Variants in ZNF512 observed in about 807,000 individuals in gnomAD.
ZNF512 encodes zinc finger protein 512.
ZNF512 carries 25 observed loss-of-function variants against 77.5 expected under a neutral mutation model. The observed-to-expected ratio is 0.32, with a 90% CI of 0.23 to 0.45. The LOEUF (loss-of-function observed/expected upper bound fraction) is 0.45, where lower values mean the gene tolerates loss of function less well. ZNF512 is among the 20% of genes least tolerant of loss of function. ZNF512 has a pLI of 1.00. For missense variants in ZNF512, 483 were observed against 692.6 expected (o/e 0.70, Z 3.40); for synonymous variants, 246 against 239.9 (o/e 1.03, Z -0.24).
chr2:27,607,865 A>G lies in ZNF512; in HGVS notation c.957A>G (p.Ser319=). 3 of 1,614,092 alleles carry G rather than the reference A, an allele frequency of 1.9e-6. No homozygotes were observed. Among genetic ancestry groups the G allele is most frequent in the Non-Finnish European group, 2.5e-6 (3 of 1,180,004 alleles). The change falls in exon 10 of 14, where the codon TCA becomes TCG. Residue 319 remains serine (S), a synonymous_variant. Coordinates refer to ENST00000355467, the MANE Select transcript of ZNF512 (RefSeq NM_032434.4). The part of the protein sequence containing the change: ...EHGPISFFPE[S]GQPECLKEMN... ...TGCAGATATCCTTCTTTCCAGAGTC[A>G]GGACAGCCAGAGTGCTTAAAGGAGA... is the stretch of plus-strand genomic sequence containing the variant.
At chr2:27,583,320 C>A in intron 1 of ZNF512, 178 bp downstream of exon 1, 1 of 1,263,284 alleles carries the variant, frequency 7.9e-7, no homozygotes, top group Non-Finnish European at 1.1e-6. Context: ...GCCTGTTCCC[C>A]ACCTCCTTGG....
At chr2:27,596,362 T>C (rs1021134903) in intron 2 of ZNF512, among the ~76,000 whole-genome samples, 7 of 152,238 alleles carry the variant, frequency 4.6e-5, no homozygotes, top group African/African-American at 1.4e-4. Context: ...TTGTGACTTA[T>C]TTGGATTCAT....
rs1672443937 is a variant in ZNF512 at position 27,607,955 on chromosome 2, C to T, written c.1047C>T (p.His349=). ...QRRSAKIAVY[H]LQELASAELA... ...GTTCTGCCAAGATAGCTGTATACCA[C>T]CTACAGGAGCTGGCCTCTGCTGAAC... The change falls in exon 10 of 14, where the codon CAC becomes CAT. Residue 349 remains histidine, a synonymous_variant. Coordinates refer to ENST00000355467, the MANE Select transcript of ZNF512 (RefSeq NM_032434.4). 1.2e-6 allele frequency: 2 copies of T among 1,613,878 alleles called. No individual in the cohort carries two copies. The highest frequency in any genetic ancestry group is 4.5e-5 in the East Asian group (2 of 44,878).
At chr2:27,606,422 G>C (rs181540419) in intron 9 of ZNF512, among the ~76,000 whole-genome samples, 36 of 151,866 alleles carry the variant, frequency 2.4e-4, no homozygotes, top group African/African-American at 8.7e-4. Context: ...GAGTGCAGTG[G>C]TGCGATCTTG....
At chr2:27,585,627 G>A (rs1427077873) in intron 2 of ZNF512, among the ~76,000 whole-genome samples, 1 of 152,166 alleles carries the variant, frequency 6.6e-6, no homozygotes, top group Non-Finnish European at 1.5e-5. Flanking sequence ...AGTTTACAAA[G>A]GATACCGAGA....
intron 8 of ZNF512, 32 bp from the exon 9 acceptor site, chr2:27,603,108 G>A (rs751819929): frequency 1.2e-5 from 20 of 1,609,910 alleles, no homozygotes; most frequent in Non-Finnish European, 1.6e-5. Flanking sequence ...AAAGATGTAA[G>A]ATTATAGTTT....
intron 2 of ZNF512, among the ~76,000 whole-genome samples, chr2:27,584,368 A>G (rs1179329380): frequency 6.6e-6 from 1 of 152,256 alleles, no homozygotes; most frequent in African/African-American, 2.4e-5. Flanking sequence ...ATTATTTAGT[A>G]CACTGAAGGT....
At chr2:27,601,579 T>C (rs1410553818) in intron 7 of ZNF512, 137 bp downstream of exon 7, 3 of 684,852 alleles carry the variant, frequency 4.4e-6, no homozygotes, top group African/African-American at 3.6e-5. Flanking sequence ...GTTCAAGCGA[T>C]TCTCGTGTCT....
intron 4 of ZNF512, 72 bp from the exon 5 acceptor site, chr2:27,599,893 TGAAGA>T: frequency 6.6e-7 from 1 of 1,507,772 alleles, no homozygotes. Flanking sequence ...AATAGGGTGT[TGAAGA>T]GGAGGAGAGG....
chr2:27,610,556 ATATATATATATATTTTTTTTTTTTT>A (rs1328807341), intron 10 of ZNF512, among the ~76,000 whole-genome samples: 1 of 27,176 alleles, frequency 3.7e-5, no homozygotes, highest in Non-Finnish European at 8.0e-5. Flanking sequence ...ATATATATAT[ATATATATATATATTTTTTTTTTTTT>A]TTTTTTTTTT....
chr2:27,596,579 A>G (rs945043895), intron 2 of ZNF512, among the ~76,000 whole-genome samples: 3 of 152,214 alleles, frequency 2.0e-5, no homozygotes, highest in Non-Finnish European at 2.9e-5. Context: ...AAAAGACAGA[A>G]TTGGAAAACT....
intron 13 of ZNF512, among the ~76,000 whole-genome samples, chr2:27,619,120 T>C (rs1304745347): frequency 6.6e-6 from 1 of 152,142 alleles, no homozygotes; most frequent in Admixed American, 6.5e-5. Flanking sequence ...ATTTAAAAGG[T>C]AATTATCGGC....
intron 10 of ZNF512, among the ~76,000 whole-genome samples, chr2:27,608,703 A>AG (rs1248430378): frequency 1.3e-5 from 2 of 152,268 alleles, no homozygotes; most frequent in East Asian, 3.9e-4. Context: ...AACAGGTTGA[A>AG]GGGATACATA....
intron 2 of ZNF512, among the ~76,000 whole-genome samples, chr2:27,589,585 C>G (rs977385483): frequency 4.6e-5 from 7 of 152,118 alleles, no homozygotes; most frequent in African/African-American, 1.7e-4. Context: ...GGTTTCTCCT[C>G]TTACCTTACC....
intron 10 of ZNF512, among the ~76,000 whole-genome samples, chr2:27,608,404 C>T (rs528230918): frequency 1.1e-3 from 167 of 152,242 alleles, no homozygotes; most frequent in African/African-American, 2.3e-3. Context: ...TCCTCTCCCC[C>T]GCTTTTTTCA....
chr2:27,597,230 T>C (rs994380620), intron 2 of ZNF512, among the ~76,000 whole-genome samples: 1 of 152,220 alleles, frequency 6.6e-6, no homozygotes, highest in African/African-American at 2.4e-5. Context: ...TCAAGTTAAC[T>C]TTTTTCCTTT....
intron 2 of ZNF512, among the ~76,000 whole-genome samples, chr2:27,594,568 T>C (rs1392481994): frequency 2.2e-4 from 24 of 110,204 alleles, no homozygotes; most frequent in Non-Finnish European, 3.6e-4. Flanking sequence ...ACATCCCAGA[T>C]GATGGGCGGC....
At chr2:27,604,612 C>T (rs1199840361) in intron 9 of ZNF512, among the ~76,000 whole-genome samples, 11 of 151,944 alleles carry the variant, frequency 7.2e-5, no homozygotes, top group Admixed American at 7.2e-4. Flanking sequence ...GAGACCCTGT[C>T]TCTACAAAAA....
At chr2:27,617,138 C>T (rs1672916640) in intron 12 of ZNF512, 1 of 201,504 alleles carries the variant, frequency 5.0e-6, no homozygotes, top group Admixed American at 5.4e-5. Context: ...GGCATTTGAT[C>T]ATTTTGGGGG....
Sources: gnomAD v4.1 joint callset for allele counts (sites outside exome capture counted in the v4.1 genomes callset) on GRCh38, gnomAD v4.1.1 for gene constraint, MANE v1.5 for transcripts, NCBI Gene and HGNC (gene_info 2026-07-23, HGNC 2026-07-21) for gene names.